Variants in KIFC2 observed in about 807,000 individuals in gnomAD.
KIFC2 encodes kinesin family member C2.
KIFC2 carries 94 observed loss-of-function variants against 91.5 expected under a neutral mutation model. The observed-to-expected ratio is 1.03, with a 90% confidence interval of 0.87 to 1.22. The LOEUF is 1.22. Among genes scored for constraint, KIFC2 ranks in the 50% most tolerant of loss-of-function variants. KIFC2 has a pLI of 0.00. For synonymous variants in KIFC2, 729 were observed against 503.9 expected (o/e 1.45, Z -5.98); for missense variants, 1,357 against 1,103.3 (o/e 1.23, Z -3.26).
rs1564748665 is a variant in KIFC2, at chr8:144,469,659, C to T, written c.1380+12C>T. 2 of 1,581,108 alleles carry T rather than the reference C, an allele frequency of 1.3e-6. No homozygotes were observed. The highest frequency in any genetic ancestry group is 1.2e-5 in the South Asian group (1 of 85,540). ...CCAGCCAGGAGGAGGTGACAGCCTGCCTTTGCAGCCATCCTGACCCTTTTT... is the reference window on the plus strand; with the variant it reads ...CCAGCCAGGAGGAGGTGACAGCCTGTCTTTGCAGCCATCCTGACCCTTTTT... On this transcript the variant is annotated intron_variant, in intron 12 of 17. Transcript: ENST00000645548.
At position 144,467,344 on chromosome 8, in the gene KIFC2, GAGTAA is replaced by G; in HGVS notation, c.469+6_469+10del. 6.2e-7 allele frequency: 1 copy of G among 1,602,074 alleles called. No homozygotes were observed. The highest frequency in any genetic ancestry group is 8.5e-7 in the Non-Finnish European group (1 of 1,174,888). ...GGTCCGGCCCCCCTCTCCAGATGGTGAGTAAAGGACAGTAAGTTGAAGAAGAACTC... is the reference window on the plus strand; with the variant it reads ...GGTCCGGCCCCCCTCTCCAGATGGTGAGGACAGTAAGTTGAAGAAGAACTC... On this transcript the variant is annotated splice_donor_5th_base_variant and intron_variant, in intron 4 of 17. Coordinates refer to ENST00000645548, the MANE Select transcript of KIFC2 (RefSeq NM_001369769.2).
chr8:144,468,025 G>A (rs1188440028), intron 7 of KIFC2, 38 bp downstream of exon 7: 1 of 1,500,782 alleles, frequency 6.7e-7, no homozygotes, highest in Admixed American at 2.7e-5. Flanking sequence ...CCTGCAGCCT[G>A]GGGCTCTTGC....
chr8:144,467,379 G>T (rs2291133), intron 4 of KIFC2, 38 bp downstream of exon 4: 619,180 of 1,565,948 alleles, frequency 0.4, 125,790 homozygotes, highest in Middle Eastern at 0.55. Context: ...GAACTCTGGA[G>T]GGAGCAAATC....
At position 144,472,377 on chromosome 8, in the gene KIFC2, G is replaced by A; in HGVS notation, c.1624G>A (p.Gly542Arg). 1 of 1,613,372 alleles carries A rather than the reference G, an allele frequency of 6.2e-7. No homozygotes were observed. Among genetic ancestry groups the A allele is most frequent in the Non-Finnish European group, 8.5e-7 (1 of 1,179,944 alleles). The change falls in exon 15 of 18, where the codon GGG (glycine) becomes AGG (arginine). Residue 542 changes from glycine to arginine, a missense_variant. Transcript: ENST00000645548. The part of the protein sequence containing the change: ...NEAVRDLLAP[G>R]PPERLAVRQG... ...TCTCACCAGGGACCTCCTTGCTCCA[G>A]GGCCTCCCGAGCGCCTGGCCGTGAG...
chr8:144,468,881 C>A, intron 10 of KIFC2, 47 bp downstream of exon 10: 1 of 1,515,762 alleles, frequency 6.6e-7, no homozygotes, highest in South Asian at 1.1e-5. Context: ...GCAGCCTATT[C>A]ACTGTTCTTT....
rs1461505249 is a variant in KIFC2 at position 144,472,660 on chromosome 8, G to A, written c.1815G>A (p.Thr605=). ...GCTCCCGCTCGCATGCCCTGGTCACGCTGACGCTGCGCGCGGCGTCTCCAC... is the reference window on the plus strand; with the variant it reads ...GCTCCCGCTCGCATGCCCTGGTCACACTGACGCTGCGCGCGGCGTCTCCAC... ...QRSSRSHALV[T]LTLRAASPPR... Residue 605 remains threonine, a synonymous_variant, in exon 16 of 18, where the codon ACG becomes ACA. Transcript: ENST00000645548. The A allele has an allele frequency of 1.9e-6, 3 of 1,598,128 alleles. No homozygotes were observed. The highest frequency in any genetic ancestry group is 1.1e-5 in the South Asian group (1 of 90,956).
intron 10 of KIFC2, 139 bp from the exon 11 acceptor site, chr8:144,469,132 C>T (rs1293283258): frequency 9.7e-6 from 7 of 722,452 alleles, no homozygotes; most frequent in African/African-American, 7.2e-5. Flanking sequence ...CCCCAGGGGC[C>T]CAGAGCCACT....
Position 144,467,221 on chromosome 8 carries a change from C to T in KIFC2, c.349C>T (p.Leu117=), listed in dbSNP as rs1230858766. The stretch of plus-strand genomic sequence containing the variant: ...TTCGCAGTCTGGCGAGGTCCCCTCA[C>T]TGTTGACAGTGACCAGTCAGCTCTT... ...DLGQSGEVPS[L]LTVTSQLLAL... is the part of the protein sequence containing the mutation. The change falls in exon 4 of 18, where the codon CTG becomes TTG. Residue 117 remains leucine (L), a synonymous_variant. Transcript: ENST00000645548. 2.5e-6 allele frequency: 4 copies of T among 1,613,692 alleles called. No homozygotes were observed. The highest frequency in any genetic ancestry group is 3.4e-6 in the Non-Finnish European group (4 of 1,180,020).
At position 144,466,482 on chromosome 8, in the gene KIFC2, C is replaced by T; in HGVS notation, c.63C>T (p.Gly21=). The part of the protein sequence containing the change: ...IFYSLFRRDG[G]AAAAAEPGDP... The stretch of plus-strand genomic sequence containing the variant: ...ACAGCCTCTTCCGCAGGGATGGTGG[C>T]GCCGCGGCGGCCGCGGAGCCCGGGG... The change falls in exon 1 of 18, where the codon GGC becomes GGT. Residue 21 remains glycine (G), a synonymous_variant. Coordinates refer to ENST00000645548, the MANE Select transcript of KIFC2 (RefSeq NM_001369769.2). 3 of 1,332,694 alleles carry T rather than the reference C, an allele frequency of 2.3e-6. No homozygotes were observed. The allele number at this position is 1,332,694 out of a possible 1,614,324, so 82.6% of individuals were successfully genotyped here.
intron 4 of KIFC2, 38 bp downstream of exon 4, chr8:144,467,379 G>C (rs2291133): frequency 1.3e-6 from 2 of 1,565,862 alleles, no homozygotes; most frequent in African/African-American, 2.7e-5. Context: ...GAACTCTGGA[G>C]GGAGCAAATC....
rs1285563234 is a variant in KIFC2 at position 144,471,928 on chromosome 8, C to T, written c.1381-14C>T. On this transcript the variant is annotated splice_polypyrimidine_tract_variant and intron_variant, in intron 12 of 17. Coordinates refer to ENST00000645548, the MANE Select transcript of KIFC2 (RefSeq NM_001369769.2). ...GTGGGGAGGACTCAAAACACATTCT[C>T]CCGCCTCCCGCAGGTCTTCAGAGAG... 6 of 1,611,778 alleles carry T rather than the reference C, an allele frequency of 3.7e-6. No homozygotes were observed. Among genetic ancestry groups the T allele is most frequent in the African/African-American group, 2.7e-5 (2 of 75,046 alleles).
At chr8:144,467,444 T>C (rs1423782163) in intron 4 of KIFC2, 41 bp from the exon 5 acceptor site, 2 of 1,541,842 alleles carry the variant, frequency 1.3e-6, no homozygotes, top group Admixed American at 2.1e-5. Flanking sequence ...AGATTTGGAC[T>C]AGAGACCTCT....
intron 7 of KIFC2, 102 bp from the exon 8 acceptor site, chr8:144,468,227 C>T (rs902739319): frequency 1.4e-5 from 16 of 1,170,140 alleles, no homozygotes; most frequent in African/African-American, 4.6e-5. Context: ...GGCATGGGTT[C>T]ACAGCCAGCT....
rs774192727 is a variant in KIFC2 at position 144,469,570 on chromosome 8, G to A, written c.1303G>A (p.Val435Ile). The part of the protein sequence containing the change: ...VSVEPGPGGT[V>I]TTCYRGRHRR... Reference sequence around the variant, plus strand: ...TGTGGAGCCTGGCCCAGGGGGCACCGTCACCACCTGCTACCGGGGGCGCCA... The same window carrying A: ...TGTGGAGCCTGGCCCAGGGGGCACCATCACCACCTGCTACCGGGGGCGCCA... Residue 435 changes from valine (V) to isoleucine (I), a missense_variant, in exon 12 of 18, where the codon GTC becomes ATC. By Grantham distance (29) the Val-to-Ile change is conservative. Transcript: ENST00000645548. 6.8e-6 allele frequency: 11 copies of A among 1,613,294 alleles called. No individual in the cohort carries two copies. Among genetic ancestry groups the A allele is most frequent in the Admixed American group, 6.7e-5 (4 of 59,982 alleles).
Position 144,466,744 on chromosome 8 carries a change from C to G in KIFC2, c.100-16C>G. The G allele has an allele frequency of 6.6e-7, 1 of 1,520,410 alleles. No individual in the cohort carries two copies. The highest frequency in any genetic ancestry group is 1.2e-5 in the South Asian group (1 of 82,838). The allele number at this position is 1,520,410 out of a possible 1,614,324, so 94.2% of individuals were successfully genotyped here. A position where few individuals can be genotyped will look rare whatever the true frequency, so the allele number is the denominator to read the frequency against. Reference sequence around the variant, plus strand: ...GCCTGCCCCCCTCCTCAGGGGCGCCCCTGCCCCCTCCCTAGAGAGCCCGCA... The same window carrying G: ...GCCTGCCCCCCTCCTCAGGGGCGCCGCTGCCCCCTCCCTAGAGAGCCCGCA... On this transcript the variant is annotated splice_polypyrimidine_tract_variant and intron_variant, in intron 1 of 17. Transcript: ENST00000645548.
Position 144,473,402 on chromosome 8 carries a change from G to T in KIFC2, c.*13G>T. On this transcript the variant is annotated 3_prime_UTR_variant, in exon 18 of 18. Transcript: ENST00000645548. ...CCTGCCCCTCTAGTCCTGGGTCGCG[G>T]CCCTGCCCATGGGGTCTCAGGCCAG... The T allele has an allele frequency of 6.4e-7, 1 of 1,571,868 alleles. No homozygotes were observed. The highest frequency in any genetic ancestry group is 1.8e-5 in the Admixed American group (1 of 55,526).
chr8:144,473,940 T>G lies in KIFC2; in HGVS notation c.*551T>G. On this transcript the variant is annotated 3_prime_UTR_variant, in exon 18 of 18. Transcript: ENST00000645548. ...AGGGGAGGTGACGGCTGGTGACTGATGGATGGGTAGTGGGCTGAGAAGAGG... is the reference window on the plus strand; with the variant it reads ...AGGGGAGGTGACGGCTGGTGACTGAGGGATGGGTAGTGGGCTGAGAAGAGG... 1 of 442,890 alleles carries G rather than the reference T, an allele frequency of 2.3e-6. No individual in the cohort carries two copies. Among genetic ancestry groups the G allele is most frequent in the Non-Finnish European group, 4.0e-6 (1 of 248,790 alleles). 27.4% of individuals were successfully genotyped at this position (442,890 alleles called of 1,614,324 possible). A position where few individuals can be genotyped will look rare whatever the true frequency, so the allele number is the denominator to read the frequency against.
chr8:144,473,212 G>T lies in KIFC2; in HGVS notation c.2199G>T (p.Gly733=), dbSNP rs745446377. Residue 733 remains glycine (G), a synonymous_variant, in exon 18 of 18, where the codon GGG becomes GGT. Coordinates refer to ENST00000645548, the MANE Select transcript of KIFC2 (RefSeq NM_001369769.2). ...FADRVGQVEL[G]PARRRRVPRS... is the part of the protein sequence containing the mutation. Reference sequence around the variant, plus strand: ...ACCGAGTGGGTCAAGTGGAGCTGGGGCCAGCCCGGCGCCGCAGGGTCCCGC... The same window carrying T: ...ACCGAGTGGGTCAAGTGGAGCTGGGTCCAGCCCGGCGCCGCAGGGTCCCGC... 1 of 1,589,820 alleles carries T rather than the reference G, an allele frequency of 6.3e-7. No homozygotes were observed. Among genetic ancestry groups the T allele is most frequent in the African/African-American group, 1.3e-5 (1 of 74,574 alleles).
chr8:144,471,705 C>T (rs1586723933), intron 12 of KIFC2, among the ~76,000 whole-genome samples: 1 of 152,100 alleles, frequency 6.6e-6, no homozygotes, highest in Admixed American at 6.6e-5. Context: ...ATAGGCTGTT[C>T]CTCTTCTCAT....
Sources: allele counts gnomAD v4.1 joint callset (sites outside exome capture counted in the v4.1 genomes callset), GRCh38; gene constraint gnomAD v4.1.1; transcripts MANE v1.5; gene names NCBI Gene and HGNC (gene_info 2026-07-23, HGNC 2026-07-21).